Variants in MTTP observed in about 807,000 individuals in gnomAD.
MTTP encodes the protein microsomal triglyceride transfer protein large subunit.
In MTTP, 49 loss-of-function variants were observed where a neutral mutation model predicts 90.6. The observed-to-expected ratio is 0.54, with a 90% CI of 0.43 to 0.69. The LOEUF is 0.69. MTTP is among the 30% of genes least tolerant of loss of function. MTTP has a pLI of 0.00. For missense variants in MTTP, 945 were observed against 1,067.5 expected (o/e 0.89, Z 1.60); for synonymous variants, 347 against 384.2 (o/e 0.90, Z 1.13).
chr4:99,606,489 G>C (rs751484072), intron 10 of MTTP, among the ~76,000 whole-genome samples: 1 of 152,100 alleles, frequency 6.6e-6, no homozygotes, highest in Non-Finnish European at 1.5e-5. Flanking sequence ...TTCAAAATGT[G>C]TTCAAAACAA....
At chr4:99,579,649 A>T (rs1291696400) in intron 1 of MTTP, among the ~76,000 whole-genome samples, 3 of 151,954 alleles carry the variant, frequency 2.0e-5, no homozygotes, top group Admixed American at 6.6e-5. Context: ...TCATTTTTTT[A>T]TTGCCCTTCT....
intron 6 of MTTP, among the ~76,000 whole-genome samples, chr4:99,593,976 C>T (rs1397722513): frequency 6.6e-6 from 1 of 152,150 alleles, no homozygotes; most frequent in East Asian, 1.9e-4. Context: ...TAGTTTCAGA[C>T]AGTCAAACTA....
chr4:99,601,246 T>A lies in MTTP; in HGVS notation c.1237-361T>A, dbSNP rs151221491. On this transcript the variant is annotated intron_variant, in intron 9 of 17. Coordinates refer to ENST00000265517, the MANE Select transcript of MTTP (RefSeq NM_001386140.1). The stretch of plus-strand genomic sequence containing the variant: ...TAGTTCATAATCTTTATGGAAAATG[T>A]ACCCATTCAGAATCTGATAAAAGTG... Among the ~76,000 whole-genome samples, 846 of 152,110 alleles carry A rather than the reference T, an allele frequency of 5.6e-3. 11 individuals carry two copies. The highest frequency in any genetic ancestry group is 0.019 in the African/African-American group (807 of 41,512).
At chr4:99,591,049 A>G (rs538244525) in intron 4 of MTTP, among the ~76,000 whole-genome samples, 186 bp from the exon 5 acceptor site, 1 of 152,276 alleles carries the variant, frequency 6.6e-6, no homozygotes, top group South Asian at 2.1e-4. Flanking sequence ...ACACTCAACC[A>G]AAGAGAATGG....
chr4:99,599,584 A>G (rs1209320760), intron 8 of MTTP, among the ~76,000 whole-genome samples: 1 of 152,118 alleles, frequency 6.6e-6, no homozygotes, highest in Non-Finnish European at 1.5e-5. Flanking sequence ...TATGTCAAGC[A>G]CTCTTCTGAA....
At chr4:99,595,904 G>A (rs1725540995) in intron 7 of MTTP, among the ~76,000 whole-genome samples, 1 of 151,534 alleles carries the variant, frequency 6.6e-6, no homozygotes, top group African/African-American at 2.4e-5. Context: ...AACATTATGA[G>A]CCATCTAAGA....
exon 1 of MTTP, chr4:99,564,165 AC>A (rs1290666422): frequency 6.5e-7 from 1 of 1,535,586 alleles, no homozygotes; most frequent in South Asian, 1.2e-5. Context: ...GGAGGTAGTT[AC>A]AGTGATGTCT....
chr4:99,608,861 T>A lies in MTTP; in HGVS notation c.1653T>A (p.Asn551Lys), dbSNP rs1725883654. The A allele has an allele frequency of 1.2e-6, 2 of 1,613,978 alleles. No homozygotes were observed. The highest frequency in any genetic ancestry group is 1.7e-6 in the Non-Finnish European group (2 of 1,179,976). ...CAGCTGCTATCATTTTAAATAACAA[T>A]CCATCCTACATGGACGTCAAGAACA... ...TAAAAIILNN[N>K]PSYMDVKNIL... The change falls in exon 12 of 18, where the codon AAT (asparagine) becomes AAA (lysine). Residue 551 changes from asparagine (N) to lysine (K), a missense_variant. Physicochemically the swap from Asn to Lys is moderately conservative, Grantham distance 94 (BLOSUM62 0). Transcript: ENST00000265517.
chr4:99,573,883 G>T (rs1198816661), upstream of MTTP, among the ~76,000 whole-genome samples: 2 of 152,064 alleles, frequency 1.3e-5, no homozygotes, highest in Admixed American at 1.3e-4. Context: ...CATTTTATAG[G>T]TTTAGTAGGT....
chr4:99,576,006 C>T (rs1474671384), intron 1 of MTTP, among the ~76,000 whole-genome samples: 1 of 152,132 alleles, frequency 6.6e-6, no homozygotes, highest in African/African-American at 2.4e-5. Context: ...AAAACCTAAT[C>T]TTCATTATTG....
upstream of MTTP, among the ~76,000 whole-genome samples, chr4:99,573,313 T>C (rs1424603242): frequency 6.6e-6 from 1 of 152,192 alleles, no homozygotes; most frequent in Non-Finnish European, 1.5e-5. Context: ...TGTGGCAAAC[T>C]GTAGAAATCT....
intron 10 of MTTP, 102 bp downstream of exon 10, chr4:99,601,816 T>C: frequency 1.1e-6 from 1 of 897,044 alleles, no homozygotes; most frequent in South Asian, 1.3e-5. Flanking sequence ...CTCTTTACTC[T>C]ATTCTACTTA....
At position 99,611,212 on chromosome 4, in the gene MTTP, T is replaced by C. The variant is rs374255333; in HGVS notation, c.1839T>C (p.Ser613=). 1.9e-6 allele frequency: 3 copies of C among 1,613,954 alleles called. No individual in the cohort carries two copies. In the African/African-American group the frequency reaches 4.0e-5, roughly 22 times the overall value. ...ATGACCGTTTCTCCAGGAGTGGATC[T>C]TCTTCTGCCTACACTGGCTACATAG... ...HNYDRFSRSG[S]SSAYTGYIER... Residue 613 remains serine, a synonymous_variant, in exon 13 of 18, where the codon TCT becomes TCC. Transcript: ENST00000265517.
upstream of MTTP, among the ~76,000 whole-genome samples, chr4:99,573,442 C>T (rs576935644): frequency 3.4e-4 from 51 of 152,136 alleles, no homozygotes; most frequent in African/African-American, 1.1e-3. Flanking sequence ...CGGAAAACTT[C>T]GTATTTATAA....
At chr4:99,591,472 G>A in intron 5 of MTTP, 121 bp downstream of exon 5, 2 of 1,132,088 alleles carry the variant, frequency 1.8e-6, no homozygotes, top group Non-Finnish European at 2.6e-6. Flanking sequence ...TTTTAGTTTA[G>A]GCTACAAATT....
intron 14 of MTTP, 83 bp from the exon 15 acceptor site, chr4:99,612,830 C>T: frequency 1.5e-6 from 2 of 1,336,664 alleles, no homozygotes. Context: ...TTGAGAAGTT[C>T]TAGCTGCAGC....
intron 5 of MTTP, 58 bp downstream of exon 5, chr4:99,591,409 A>T: frequency 4.6e-6 from 6 of 1,295,018 alleles, no homozygotes. Flanking sequence ...GTAGAGACTA[A>T]TTTAATGTAA....
rs146064714 is a variant in MTTP at position 99,622,756 on chromosome 4, G to T, written c.2593G>T (p.Gly865Ter). The change falls in exon 18 of 18, where the codon GGA becomes TGA. Residue 865 changes from glycine to a stop codon, truncating the protein, a stop_gained. Transcript: ENST00000265517. LOFTEE classifies it high-confidence loss of function. ...SQKRKESVLAGCEFPLHQENS... is the reference protein window; with the variant it reads ...SQKRKESVLA Reference sequence around the variant, plus strand: ...GAAAAGAAAAGAAAGCGTATTAGCAGGATGTGAATTCCCGCTCCATCAAGA... The same window carrying T: ...GAAAAGAAAAGAAAGCGTATTAGCATGATGTGAATTCCCGCTCCATCAAGA... 99 of 1,614,010 alleles carry T rather than the reference G, an allele frequency of 6.1e-5. No homozygotes were observed. The highest frequency in any genetic ancestry group is 1.5e-5 in the Non-Finnish European group (18 of 1,180,002).
chr4:99,615,644 C>T (rs548644351), intron 15 of MTTP, among the ~76,000 whole-genome samples: 5 of 152,352 alleles, frequency 3.3e-5, no homozygotes, highest in Non-Finnish European at 7.3e-5. Context: ...GAAATGTTGG[C>T]AGTGGGTAGC....
Sources: gnomAD v4.1 joint callset for allele counts (sites outside exome capture counted in the v4.1 genomes callset) on GRCh38, gnomAD v4.1.1 for gene constraint, MANE v1.5 for transcripts, NCBI Gene and HGNC (gene_info 2026-07-23, HGNC 2026-07-21) for gene names.